The following KIAA1755 variants were observed in gnomAD, a reference collection of about 807,000 sequenced individuals.
The protein encoded by KIAA1755 is KIAA1755.
A neutral mutation model predicts 91.7 loss-of-function variants in KIAA1755; 68 were observed. That is an observed-to-expected ratio of 0.74 (90% CI 0.61 to 0.91). The LOEUF (loss-of-function observed/expected upper bound fraction) is 0.91. KIAA1755 is among the 40% of genes least tolerant of loss of function. The probability of loss-of-function intolerance (pLI) is 0.00; values close to 1 mark genes in which losing one functional copy is unlikely to be tolerated. For synonymous variants in KIAA1755, 610 were observed against 604.6 expected, an observed-to-expected ratio of 1.01 and a Z score of -0.13; for missense variants, 1,535 against 1,494.4, an observed-to-expected ratio of 1.03 and a Z score of -0.45.
rs575085379 is a variant in KIAA1755 at position 38,242,058 on chromosome 20, G to T, written c.202-129C>A. ...ACTAGGATGAGGCAGCATTTAGGAGGCACTCACTGTCAAGGTTGTGCAAAG... is the reference window on the plus strand; with the variant it reads ...ACTAGGATGAGGCAGCATTTAGGAGTCACTCACTGTCAAGGTTGTGCAAAG... On this transcript the variant is annotated intron_variant, in intron 2 of 13. Coordinates refer to ENST00000279024, the MANE Select transcript of KIAA1755 (RefSeq NM_001029864.2). The T allele has an allele frequency of 2.5e-5, 22 of 894,838 alleles. No individual in the cohort carries two copies. In the South Asian group the frequency reaches 3.6e-4, roughly 15 times the overall value. 55.4% of individuals were successfully genotyped at this position (894,838 alleles called of 1,614,324 possible).
Position 38,241,474 on chromosome 20 carries a change from C to T in KIAA1755, c.657G>A (p.Gln219=). 6.2e-7 allele frequency: 1 copy of T among 1,614,234 alleles called. No homozygotes were observed. Among genetic ancestry groups the T allele is most frequent in the South Asian group, 1.1e-5 (1 of 91,088 alleles). The change falls in exon 3 of 14, where the codon CAG becomes CAA. Residue 219 remains glutamine, a synonymous_variant. Transcript: ENST00000279024. The part of the protein sequence containing the change: ...LDLSSPQELH[Q]ASSPDNQVLP... ...GCACCTGGTTGTCTGGGGAGCTGGCCTGGTGCAACTCTTGAGGGCTGCTCA... is the reference window on the plus strand; with the variant it reads ...GCACCTGGTTGTCTGGGGAGCTGGCTTGGTGCAACTCTTGAGGGCTGCTCA...
intron 13 of KIAA1755, chr20:38,216,878 G>A: frequency 4.0e-6 from 2 of 497,762 alleles, no homozygotes; most frequent in South Asian, 3.1e-5. Flanking sequence ...AGCCTGCTTG[G>A]TGAAGGGATC....
In KIAA1755 at chr20:38,240,588, C is replaced by G; in HGVS notation, c.1543G>C (p.Gly515Arg). ...SPKPNRAKSL[G>R]KAGTTQTKTS... ...GAGCATGTGGGCATCTTACCTTTCC[C>G]CAAAGATTTGGCTCGGTTGGGTTTA... Residue 515 changes from glycine to arginine, a missense_variant, in exon 3 of 14, where the codon GGG becomes CGG. Gly to Arg is a moderately radical substitution (Grantham distance 125, BLOSUM62 -2). Transcript: ENST00000279024. The G allele has an allele frequency of 6.7e-7, 1 of 1,486,186 alleles. No homozygotes were observed. Among genetic ancestry groups the G allele is most frequent in the Non-Finnish European group, 8.9e-7 (1 of 1,117,508 alleles). The allele number at this position is 1,486,186 out of a possible 1,614,324, so 92.1% of individuals were successfully genotyped here.
chr20:38,230,099 G>A (rs903730042), intron 5 of KIAA1755, among the ~76,000 whole-genome samples: 1 of 152,160 alleles, frequency 6.6e-6, no homozygotes, highest in South Asian at 2.1e-4. Flanking sequence ...CTCTAAGACT[G>A]CCCTGGCTAG....
At position 38,241,624 on chromosome 20, in the gene KIAA1755, T is replaced by C. The variant is rs1227780144; in HGVS notation, c.507A>G (p.Ser169=). 1.4e-5 allele frequency: 22 copies of C among 1,614,264 alleles called. No homozygotes were observed. Among genetic ancestry groups the C allele is most frequent in the Non-Finnish European group, 1.9e-5 (22 of 1,180,040 alleles). ...AAGGCACAGGGGCAATCCCATTTTC[T>C]GATGCTACCAAGCAGTTGTGTAGGG... The part of the protein sequence containing the change: ...GNPLHNCLVA[S]ENGIAPVPWT... The change falls in exon 3 of 14, where the codon TCA becomes TCG. Residue 169 remains serine (S), a synonymous_variant. Transcript: ENST00000279024.
chr20:38,226,687 G>C, intron 7 of KIAA1755, among the ~76,000 whole-genome samples: 1 of 152,142 alleles, frequency 6.6e-6, no homozygotes, highest in African/African-American at 2.4e-5. Flanking sequence ...GCAGAGTCCC[G>C]CTTCAGCTCC....
intron 2 of KIAA1755, among the ~76,000 whole-genome samples, chr20:38,245,022 G>A (rs924329369): frequency 1.7e-4 from 26 of 152,138 alleles, no homozygotes; most frequent in Admixed American, 9.2e-4. Context: ...CACCACTGCC[G>A]GCCTTCTCAT....
At chr20:38,225,469 C>T (rs2075738872) in intron 8 of KIAA1755, 196 bp downstream of exon 8, 2 of 581,732 alleles carry the variant, frequency 3.4e-6, no homozygotes, top group African/African-American at 3.8e-5. Context: ...CACAGCAGAG[C>T]TGGGATTGCA....
At chr20:38,243,248 TTGA>T (rs1202411698) in intron 2 of KIAA1755, among the ~76,000 whole-genome samples, 1 of 152,238 alleles carries the variant, frequency 6.6e-6, no homozygotes, top group Non-Finnish European at 1.5e-5. Context: ...CCTGGAATTA[TTGA>T]TTGCGGAAAT....
At chr20:38,226,919 C>T (rs967331068) in intron 7 of KIAA1755, among the ~76,000 whole-genome samples, 35 of 152,210 alleles carry the variant, frequency 2.3e-4, no homozygotes, top group Non-Finnish European at 4.7e-4. Context: ...GCAGCACCCA[C>T]CAGGAGCTGC....
At chr20:38,255,413 A>G (rs771105064) in intron 1 of KIAA1755, among the ~76,000 whole-genome samples, 6 of 152,198 alleles carry the variant, frequency 3.9e-5, no homozygotes, top group Non-Finnish European at 7.4e-5. Context: ...TCTCATCAGC[A>G]TCAGCTGAGT....
chr20:38,225,198 T>TC (rs1325285602), intron 8 of KIAA1755, among the ~76,000 whole-genome samples: 1 of 152,108 alleles, frequency 6.6e-6, no homozygotes, highest in Non-Finnish European at 1.5e-5. Flanking sequence ...TATGAGGTTT[T>TC]ACCATGTTGG....
At position 38,246,131 on chromosome 20, in the gene KIAA1755, G is replaced by A. The variant is rs780148076; in HGVS notation, c.4-5C>T. The A allele has an allele frequency of 6.2e-7, 1 of 1,611,562 alleles. No homozygotes were observed. The highest frequency in any genetic ancestry group is 2.2e-5 in the East Asian group (1 of 44,822). ...TGTGTCGAGGGATGGAGGGTCCTGT[G>A]GGGGACAGGAGGAGGGGGTGATAAT... On this transcript the variant is annotated splice_polypyrimidine_tract_variant and splice_region_variant and intron_variant, in intron 1 of 13. Coordinates refer to ENST00000279024, the MANE Select transcript of KIAA1755 (RefSeq NM_001029864.2).
At chr20:38,219,836 C>G in intron 10 of KIAA1755, 68 bp from the exon 11 acceptor site, 1 of 1,580,294 alleles carries the variant, frequency 6.3e-7, no homozygotes, top group Non-Finnish European at 8.6e-7. Flanking sequence ...TTCTGTCCCG[C>G]ATAGGCCTGC....
In KIAA1755 at chr20:38,219,665, C is replaced by T. The variant is rs1209514503; in HGVS notation, c.2521G>A (p.Val841Ile). Reference sequence around the variant, plus strand: ...GCAGCTTCCAGGCGGCCCAGGCGGACACGGAGCTCCAGCTTCCCCAGGAGG... The same window carrying T: ...GCAGCTTCCAGGCGGCCCAGGCGGATACGGAGCTCCAGCTTCCCCAGGAGG... ...NSLLGKLELR[V>I]RLGRLEAAIH... is the part of the protein sequence containing the mutation. Residue 841 changes from valine (V) to isoleucine (I), a missense_variant, in exon 11 of 14, where the codon GTC becomes ATC. Physicochemically the swap from Val to Ile is conservative, Grantham distance 29. Transcript: ENST00000279024. 1 of 1,614,174 alleles carries T rather than the reference C, an allele frequency of 6.2e-7. No homozygotes were observed. The highest frequency in any genetic ancestry group is 2.2e-5 in the East Asian group (1 of 44,886).
chr20:38,245,878 A>G, intron 2 of KIAA1755, 51 bp downstream of exon 2: 5 of 1,580,122 alleles, frequency 3.2e-6, no homozygotes, highest in Non-Finnish European at 4.3e-6. Flanking sequence ...CTCTAGCCCC[A>G]TGACTTTCTG....
chr20:38,260,477 G>A (rs752858498), intron 1 of KIAA1755, 21 bp downstream of exon 1: 1 of 1,496,414 alleles, frequency 6.7e-7, no homozygotes, highest in Admixed American at 2.4e-5. Context: ...GAGCGAGGTG[G>A]TCCAGGCCTT....
intron 4 of KIAA1755, among the ~76,000 whole-genome samples, chr20:38,238,511 G>A (rs1211730972): frequency 1.3e-5 from 2 of 152,106 alleles, no homozygotes; most frequent in Admixed American, 6.6e-5. Context: ...CATAGGACTG[G>A]GCTTTACGTT....
At chr20:38,217,201 G>C (rs2075560716) in intron 13 of KIAA1755, 52 bp downstream of exon 13, 1 of 1,464,350 alleles carries the variant, frequency 6.8e-7, no homozygotes, top group Non-Finnish European at 9.3e-7. Flanking sequence ...CCCCACCATA[G>C]CCCCAGCCAG....
Sources: gnomAD v4.1 joint callset for allele counts (sites outside exome capture counted in the v4.1 genomes callset) on GRCh38, gnomAD v4.1.1 for gene constraint, MANE v1.5 for transcripts, NCBI Gene and HGNC (gene_info 2026-07-23, HGNC 2026-07-21) for gene names.